Variants in VRTN observed in about 807,000 individuals in gnomAD.
VRTN encodes the protein vertnin.
In VRTN, 5 loss-of-function variants were observed where a neutral mutation model predicts 18.2. That is an observed-to-expected ratio of 0.27 (90% CI 0.14 to 0.58). The LOEUF (loss-of-function observed/expected upper bound fraction) is 0.58. Among genes scored for constraint, VRTN ranks in the 20% least tolerant of loss-of-function variants. The probability of loss-of-function intolerance (pLI) is 0.91; values close to 1 mark genes in which losing one functional copy is unlikely to be tolerated. For synonymous variants in VRTN, 381 were observed against 393.7 expected (o/e 0.97, Z 0.38); for missense variants, 741 against 939.4 (o/e 0.79, Z 2.76).
chr14:74,321,653 C>A (rs149733191), intron 1 of VRTN, among the ~76,000 whole-genome samples: 1 of 150,962 alleles, frequency 6.6e-6, no homozygotes, highest in Non-Finnish European at 1.5e-5. Flanking sequence ...TACAGGCATG[C>A]GCCACCATGC....
chr14:74,329,873 G>A (rs2085510686), intron 1 of VRTN, among the ~76,000 whole-genome samples: 1 of 146,212 alleles, frequency 6.8e-6, no homozygotes, highest in Non-Finnish European at 1.5e-5. Flanking sequence ...CACCGGGCCT[G>A]GGCTTTTTTT....
chr14:74,330,655 G>A (rs1196479085), intron 1 of VRTN, among the ~76,000 whole-genome samples: 1 of 151,016 alleles, frequency 6.6e-6, no homozygotes, highest in East Asian at 2.0e-4. Context: ...TGGTCAGGCT[G>A]GTCTTGAACT....
At chr14:74,318,764 A>G (rs1324591255) in intron 1 of VRTN, among the ~76,000 whole-genome samples, 3 of 130,034 alleles carry the variant, frequency 2.3e-5, no homozygotes, top group Non-Finnish European at 4.7e-5. Context: ...CTCAGGGTGG[A>G]GTGCAATGGC....
intron 1 of VRTN, among the ~76,000 whole-genome samples, chr14:74,321,194 G>A (rs932030958): frequency 6.6e-6 from 1 of 152,182 alleles, no homozygotes; most frequent in Non-Finnish European, 1.5e-5. Flanking sequence ...AGGATGGAAA[G>A]CTGTTACAAC....
At chr14:74,320,291 C>T (rs369625967) in intron 1 of VRTN, among the ~76,000 whole-genome samples, 3 of 117,548 alleles carry the variant, frequency 2.6e-5, no homozygotes, top group African/African-American at 9.8e-5. Flanking sequence ...GACGGAGTCT[C>T]GCTCTGTCGC....
chr14:74,350,178 T>C (rs981911888), intron 1 of VRTN, among the ~76,000 whole-genome samples: 1 of 152,150 alleles, frequency 6.6e-6, no homozygotes, highest in Non-Finnish European at 1.5e-5. Context: ...GGCTTCCCCG[T>C]GCAGCCCCTA....
chr14:74,342,612 G>A (rs1490561852), intron 2 of VRTN, among the ~76,000 whole-genome samples: 1 of 150,346 alleles, frequency 6.7e-6, no homozygotes, highest in Non-Finnish European at 1.5e-5. Context: ...ATGGGCAAAG[G>A]ATATTCAAAG....
chr14:74,325,121 A>C (rs2085480459), intron 1 of VRTN, among the ~76,000 whole-genome samples: 1 of 152,096 alleles, frequency 6.6e-6, no homozygotes, highest in South Asian at 2.1e-4. Flanking sequence ...TCTTGGGAAC[A>C]ATGGAGGGCC....
intron 1 of VRTN, among the ~76,000 whole-genome samples, chr14:74,325,072 A>G (rs2085480245): frequency 6.6e-6 from 1 of 151,998 alleles, no homozygotes; most frequent in African/African-American, 2.4e-5. Context: ...AAAATACTAC[A>G]GGATTCAGTC....
Position 74,358,224 on chromosome 14 carries a change from G to C in VRTN, c.1441G>C (p.Glu481Gln). The C allele has an allele frequency of 2.5e-6, 4 of 1,612,762 alleles. No individual in the cohort carries two copies. Among genetic ancestry groups the C allele is most frequent in the South Asian group, 1.1e-5 (1 of 91,048 alleles). The change falls in exon 2 of 2, where the codon GAG (glutamate) becomes CAG (glutamine). Residue 481 changes from glutamate to glutamine, a missense_variant. Coordinates refer to ENST00000256362, the MANE Select transcript of VRTN (RefSeq NM_018228.3). The surrounding 1 kb of genome is among the most constrained non-coding windows in gnomAD (Gnocchi z 5.4). ...AVIPWKSEAE[E>Q]GAGNATGEDP... ...AATTCCTTGGAAGAGTGAGGCGGAAGAGGGGGCAGGGAATGCCACAGGTGA... is the reference window on the plus strand; with the variant it reads ...AATTCCTTGGAAGAGTGAGGCGGAACAGGGGGCAGGGAATGCCACAGGTGA...
At chr14:74,309,737 C>T (rs2085375978) in intron 1 of VRTN, among the ~76,000 whole-genome samples, 1 of 152,156 alleles carries the variant, frequency 6.6e-6, no homozygotes, top group Admixed American at 6.5e-5. Context: ...CCACAGGTCA[C>T]TGTCTCTGCT....
At chr14:74,336,934 T>C (rs1487231077) in intron 1 of VRTN, among the ~76,000 whole-genome samples, 7 of 152,230 alleles carry the variant, frequency 4.6e-5, no homozygotes, top group Non-Finnish European at 7.3e-5. Flanking sequence ...ACTTCACTCT[T>C]ACCTGGAACA....
intron 1 of VRTN, among the ~76,000 whole-genome samples, chr14:74,328,854 G>T (rs1268913899): frequency 2.0e-5 from 3 of 152,070 alleles, no homozygotes; most frequent in Non-Finnish European, 2.9e-5. Context: ...AAAAATTGGG[G>T]CTGGGTGCAG....
rs1296997236 is a variant in VRTN, at chr14:74,331,589, T to TATAC, written c.-163-6133_-163-6132insTACA. On this transcript the variant is annotated intron_variant, in intron 1 of 2. Coordinates refer to the VRTN transcript ENST00000557177. ...ATATATATATATATATATATATATA[T>TATAC]ACAAAAAAGAAAACACACAAGTCTG... Among the ~76,000 whole-genome samples, 23 of 114,934 alleles carry TATAC rather than the reference T, an allele frequency of 2.0e-4. No homozygotes were observed. In the South Asian group the frequency reaches 2.3e-3, roughly 12 times the overall value. 75.4% of individuals were successfully genotyped at this position (114,934 alleles called of 152,430 possible). A position where few individuals can be genotyped will look rare whatever the true frequency, so the allele number is the denominator to read the frequency against.
chr14:74,318,390 C>T (rs1371836571), intron 1 of VRTN, among the ~76,000 whole-genome samples: 1 of 152,144 alleles, frequency 6.6e-6, no homozygotes, highest in Non-Finnish European at 1.5e-5. Flanking sequence ...CCTGCCTCAG[C>T]CTCCCGAGTA....
rs150886700 is a variant in VRTN at position 74,318,183 on chromosome 14, C to A, written c.-164+15007C>A. On this transcript the variant is annotated intron_variant, in intron 1 of 2. Coordinates refer to the VRTN transcript ENST00000557177. Reference sequence around the variant, plus strand: ...AGAGACCTTAGTCTCGGCTCACTGCCATCTCCACCTCCCAGGTTCAAGGGA... The same window carrying A: ...AGAGACCTTAGTCTCGGCTCACTGCAATCTCCACCTCCCAGGTTCAAGGGA... Among the ~76,000 whole-genome samples, 441 of 152,154 alleles carry A rather than the reference C, an allele frequency of 2.9e-3. 4 individuals carry two copies. The highest frequency in any genetic ancestry group is 0.01 in the African/African-American group (416 of 41,526).
intron 1 of VRTN, among the ~76,000 whole-genome samples, chr14:74,328,498 G>A (rs566935664): frequency 1.8e-4 from 27 of 152,238 alleles, no homozygotes; most frequent in Admixed American, 1.4e-3. Flanking sequence ...TTACAGGAAG[G>A]AACTTTTGCA....
intron 1 of VRTN, among the ~76,000 whole-genome samples, chr14:74,354,436 C>T (rs993123554): frequency 3.3e-5 from 5 of 150,480 alleles, no homozygotes; most frequent in African/African-American, 4.9e-5. Context: ...GATGGAGTCT[C>T]GCTCTGTCCC....
intron 1 of VRTN, among the ~76,000 whole-genome samples, chr14:74,331,791 T>G (rs2140202122): frequency 6.6e-6 from 1 of 151,766 alleles, no homozygotes. Context: ...ATCCTTATTT[T>G]ACAGATTAAT....
Sources: gnomAD v4.1 joint callset for allele counts (sites outside exome capture counted in the v4.1 genomes callset) on GRCh38, gnomAD v4.1.1 for gene constraint, Gnocchi (gnomAD v3.1) non-coding constraint, MANE v1.5 for transcripts, NCBI Gene and HGNC (gene_info 2026-07-23, HGNC 2026-07-21) for gene names.